CEP78: variants seen among roughly 807,000 people sequenced by gnomAD.
CEP78 encodes centrosomal protein 78, also known as centrosomal protein of 78 kDa.
Under a neutral mutation model 81.2 loss-of-function variants are expected in CEP78, and 76 were observed. That is an observed-to-expected ratio of 0.94 (90% CI 0.78 to 1.13). The LOEUF is 1.13. Ranked by LOEUF, CEP78 falls within the 50% of genes most tolerant of loss-of-function variation. The pLI, the probability that CEP78 is intolerant of heterozygous loss-of-function variation, is 0.00. For missense variants in CEP78, 918 were observed against 846.8 expected, an observed-to-expected ratio of 1.08 and a Z score of -1.04; for synonymous variants, 293 against 301.4, an observed-to-expected ratio of 0.97 and a Z score of 0.29.
rs1481832908 is a variant in CEP78, at chr9:78,275,599, C to CT, written c.*4749dup. On this transcript the variant is annotated 3_prime_UTR_variant, in exon 17 of 17. Coordinates refer to ENST00000643273, the MANE Select transcript of CEP78 (RefSeq NM_001330691.3). ...TAGCCTGGGAGACAAGAGGGAAACT[C>CT]TGTCTCCAAAAAAAAAAAAAAAAAA... The CT allele has an allele frequency of 3.9e-5, 5 of 128,788 alleles. No homozygotes were observed. Among genetic ancestry groups the CT allele is most frequent in the African/African-American group, 1.6e-4 (5 of 31,690 alleles). The allele number at this position is 128,788 out of a possible 1,614,324, so 8.0% of individuals were successfully genotyped here.
At chr9:78,264,726 T>C (rs1827437437) in intron 13 of CEP78, among the ~76,000 whole-genome samples, 1 of 151,962 alleles carries the variant, frequency 6.6e-6, no homozygotes, top group African/African-American at 2.4e-5. Context: ...AAATTGAAGG[T>C]AGTTTTAATT....
At chr9:78,262,569 T>G (rs1418669115) in intron 11 of CEP78, among the ~76,000 whole-genome samples, 2 of 152,164 alleles carry the variant, frequency 1.3e-5, no homozygotes, top group African/African-American at 4.8e-5. Flanking sequence ...TTAATAGGGC[T>G]TCCTATTATA....
chr9:78,253,656 A>G (rs559985726), intron 10 of CEP78: 1 of 161,684 alleles, frequency 6.2e-6, no homozygotes, highest in South Asian at 1.8e-4. Flanking sequence ...ATATTTCCAG[A>G]TTCTAAAGCT....
In CEP78 at chr9:78,266,595, A is replaced by G. The variant is rs375770863; in HGVS notation, c.1999A>G (p.Arg667Gly). The G allele has an allele frequency of 4.5e-5, 72 of 1,613,734 alleles. No individual in the cohort carries two copies. The African/African-American group carries it at 8.3e-4, about 19-fold the overall frequency. Reference protein sequence around the residue: ...RQESFEGFIARMCSPSPDATS... With the variant: ...RQESFEGFIAGMCSPSPDATS... ...GGAGTCTTTTGAAGGATTCATTGCT[A>G]GAATGTGTTCTCCTTCACCAGATGC... The change falls in exon 16 of 17, where the codon AGA becomes GGA. Residue 667 changes from arginine to glycine, a missense_variant. Transcript: ENST00000643273.
chr9:78,241,737 GTCAACTTCACAGGA>G lies in CEP78; in HGVS notation c.543_556del (p.Asn182Ter), dbSNP rs1826241208. ...AAAGAGCTCTATCACTCTTAAGACA[GTCAACTTCACAGGA>G]TGTAATCTGACATGGCAGGGAGCAG... On this transcript the variant is annotated frameshift_variant, in exon 4 of 17. Coordinates refer to ENST00000643273, the MANE Select transcript of CEP78 (RefSeq NM_001330691.3). LOFTEE classifies it high-confidence loss of function. 1 of 1,610,010 alleles carries G rather than the reference GTCAACTTCACAGGA, an allele frequency of 6.2e-7. No homozygotes were observed. The highest frequency in any genetic ancestry group is 1.3e-5 in the African/African-American group (1 of 74,944).
chr9:78,271,071 A>T lies in CEP78; in HGVS notation c.*220A>T. 1 of 461,262 alleles carries T rather than the reference A, an allele frequency of 2.2e-6. No homozygotes were observed. The highest frequency in any genetic ancestry group is 3.8e-6 in the Non-Finnish European group (1 of 263,684). The allele number at this position is 461,262 out of a possible 1,614,324, so 28.6% of individuals were successfully genotyped here. A position where few individuals can be genotyped will look rare whatever the true frequency, so the allele number is the denominator to read the frequency against. On this transcript the variant is annotated 3_prime_UTR_variant, in exon 17 of 17. Coordinates refer to ENST00000643273, the MANE Select transcript of CEP78 (RefSeq NM_001330691.3). ...CTGAAGTGGGAGCTCTGACCCAAGA[A>T]ATGCTGGGATCGGAGAATAAGGGAA...
Position 78,268,719 on chromosome 9 carries a change from G to T in CEP78, c.2107+2016G>T, listed in dbSNP as rs1587613562. Among the ~76,000 whole-genome samples, 6 of 126,908 alleles carry T rather than the reference G, an allele frequency of 4.7e-5. No homozygotes were observed. The South Asian group carries it at 1.4e-3, about 31-fold the overall frequency. The allele number at this position is 126,908 out of a possible 152,430, so 83.3% of individuals were successfully genotyped here. The stretch of plus-strand genomic sequence containing the variant: ...TTTTTTTGAGATGGAGTCTTGCTCT[G>T]TCGCCCAGGCTGGAGTGCAGTGGTG... On this transcript the variant is annotated intron_variant, in intron 16 of 16. Coordinates refer to ENST00000643273, the MANE Select transcript of CEP78 (RefSeq NM_001330691.3).
chr9:78,247,013 C>T (rs1278886416), intron 6 of CEP78, among the ~76,000 whole-genome samples: 1 of 152,190 alleles, frequency 6.6e-6, no homozygotes, highest in African/African-American at 2.4e-5. Flanking sequence ...AATCTGCTTC[C>T]ACCAAGTGCA....
At chr9:78,248,476 G>A in intron 7 of CEP78, 121 bp downstream of exon 7, 1 of 693,184 alleles carries the variant, frequency 1.4e-6, no homozygotes. Context: ...CCCCTTCCCA[G>A]CTTCCTAGGT....
intron 10 of CEP78, 52 bp downstream of exon 10, chr9:78,253,329 G>A (rs1452193036): frequency 4.9e-6 from 4 of 823,254 alleles, no homozygotes; most frequent in Non-Finnish European, 8.3e-6. Flanking sequence ...GGGAAGGGTG[G>A]AAGATCATTC....
At position 78,236,433 on chromosome 9, in the gene CEP78, C is replaced by T. The variant is rs1206496588; in HGVS notation, c.83C>T (p.Ser28Leu). ...HYEYLCALQN[S>L]VPLPAVRACL... Reference sequence around the variant, plus strand: ...GAGTACCTGTGCGCGCTGCAGAACTCGGTGCCGCTGCCCGCCGTGCGCGCC... The same window carrying T: ...GAGTACCTGTGCGCGCTGCAGAACTTGGTGCCGCTGCCCGCCGTGCGCGCC... The change falls in exon 1 of 17, where the codon TCG (serine) becomes TTG (leucine). Residue 28 changes from serine (S) to leucine (L), a missense_variant. Physicochemically the swap from Ser to Leu is moderately radical, Grantham distance 145. Coordinates refer to ENST00000643273, the MANE Select transcript of CEP78 (RefSeq NM_001330691.3). The T allele has an allele frequency of 1.2e-6, 2 of 1,602,276 alleles. No homozygotes were observed. The highest frequency in any genetic ancestry group is 1.3e-5 in the African/African-American group (1 of 74,856).
At chr9:78,258,275 C>CT in intron 11 of CEP78, among the ~76,000 whole-genome samples, 1 of 152,244 alleles carries the variant, frequency 6.6e-6, no homozygotes, top group South Asian at 2.1e-4. Flanking sequence ...AGCTTTCTGC[C>CT]TGTTCTCTTA....
intron 11 of CEP78, among the ~76,000 whole-genome samples, chr9:78,261,814 C>T (rs1186944194): frequency 6.6e-6 from 1 of 151,876 alleles, no homozygotes; most frequent in African/African-American, 2.4e-5. Context: ...TTTCTTTTTC[C>T]TTTTTCCCAT....
intron 1 of CEP78, among the ~76,000 whole-genome samples, chr9:78,237,679 G>T (rs1176574149): frequency 6.6e-6 from 1 of 152,178 alleles, no homozygotes; most frequent in African/African-American, 2.4e-5. Context: ...TATCCTGAAG[G>T]TTTTGGGAAA....
chr9:78,238,259 T>G (rs1826058407), intron 1 of CEP78, among the ~76,000 whole-genome samples: 1 of 152,148 alleles, frequency 6.6e-6, no homozygotes, highest in Non-Finnish European at 1.5e-5. Context: ...CACAGCAGCG[T>G]CTTTCCATGA....
Position 78,264,336 on chromosome 9 carries a change from T to A in CEP78, c.1625+20T>A. 1 of 1,609,666 alleles carries A rather than the reference T, an allele frequency of 6.2e-7. No individual in the cohort carries two copies. The highest frequency in any genetic ancestry group is 1.3e-5 in the African/African-American group (1 of 74,888). On this transcript the variant is annotated intron_variant, in intron 13 of 16. Transcript: ENST00000643273. ...TGCTGGGTTAGTTACTTTCTCCCTA[T>A]GACATTCGTCCCTCCATGACTTTAA...
At chr9:78,237,127 C>G (rs980753931) in intron 1 of CEP78, among the ~76,000 whole-genome samples, 1 of 151,278 alleles carries the variant, frequency 6.6e-6, no homozygotes, top group Admixed American at 6.6e-5. Flanking sequence ...ATTACAGGCG[C>G]GCGCCACCAT....
chr9:78,242,559 G>C (rs1826285705), intron 4 of CEP78, among the ~76,000 whole-genome samples: 1 of 152,200 alleles, frequency 6.6e-6, no homozygotes, highest in African/African-American at 2.4e-5. Flanking sequence ...AGGATTTAAT[G>C]AACTAATGTG....
chr9:78,241,257 T>C (rs1269669283), intron 3 of CEP78, among the ~76,000 whole-genome samples: 1 of 152,306 alleles, frequency 6.6e-6, no homozygotes, highest in Admixed American at 6.5e-5. Context: ...TGTCTTCTAT[T>C]GTTCTAGTAC....
Sources: allele counts gnomAD v4.1 joint callset (sites outside exome capture counted in the v4.1 genomes callset), GRCh38; gene constraint gnomAD v4.1.1; transcripts MANE v1.5; gene names NCBI Gene and HGNC (gene_info 2026-07-23, HGNC 2026-07-21).